EFCAB13: variants seen among roughly 807,000 people sequenced by gnomAD.
The protein encoded by EFCAB13 is EF-hand calcium binding domain 13, also known as EF-hand calcium-binding domain-containing protein 13.
EFCAB13 carries 91 observed loss-of-function variants against 110.2 expected under a neutral mutation model. That is an observed-to-expected ratio of 0.83 (90% CI 0.70 to 0.98). The LOEUF (loss-of-function observed/expected upper bound fraction) is 0.98. Ranked by LOEUF, EFCAB13 falls within the 50% of genes least tolerant of loss-of-function variation. The pLI is 0.00. For synonymous variants in EFCAB13, 323 were observed against 369.9 expected (o/e 0.87, Z 1.45); for missense variants, 968 against 1,119.4 (o/e 0.86, Z 1.93).
At chr17:47,436,235 T>G (rs1905211574) in intron 24 of EFCAB13, among the ~76,000 whole-genome samples, 1 of 152,136 alleles carries the variant, frequency 6.6e-6, no homozygotes, top group Non-Finnish European at 1.5e-5. Flanking sequence ...CGTAGTTTTC[T>G]TTTTTGGTTA....
chr17:47,342,856 A>C (rs1023185656), intron 6 of EFCAB13, among the ~76,000 whole-genome samples: 6 of 151,896 alleles, frequency 4.0e-5, no homozygotes, highest in Non-Finnish European at 8.8e-5. Context: ...CTCCCCATCT[A>C]CTTTCTAGTT....
At chr17:47,333,583 T>G (rs2143228738) in intron 4 of EFCAB13, among the ~76,000 whole-genome samples, 1 of 152,338 alleles carries the variant, frequency 6.6e-6, no homozygotes. Context: ...GTTTAAATCT[T>G]TAATGCATTT....
intron 23 of EFCAB13, among the ~76,000 whole-genome samples, chr17:47,417,353 C>T (rs920752570): frequency 3.9e-5 from 6 of 152,260 alleles, no homozygotes; most frequent in Non-Finnish European, 7.4e-5. Flanking sequence ...TCTTGTCTGA[C>T]GTTATTGGCT....
chr17:47,371,020 G>A (rs546571975), intron 11 of EFCAB13, among the ~76,000 whole-genome samples: 6 of 148,242 alleles, frequency 4.0e-5, no homozygotes, highest in Non-Finnish European at 5.9e-5. Context: ...GATTACAAGC[G>A]TGAGCCACCG....
In EFCAB13 at chr17:47,429,951, A is replaced by G; in HGVS notation, c.2628A>G (p.Val876=). Residue 876 remains valine, a synonymous_variant, in exon 24 of 25, where the codon GTA becomes GTG. Transcript: ENST00000331493. ...TACTTACTGTAATGTTAAGACATGT[A>G]CCTGAACATGGTTAGTAGTTTCAAT... is the stretch of plus-strand genomic sequence containing the variant. ...NAILTVMLRH[V]PEHESGKVSI... is the part of the protein sequence containing the mutation. 1 of 1,603,600 alleles carries G rather than the reference A, an allele frequency of 6.2e-7. No individual in the cohort carries two copies. Among genetic ancestry groups the G allele is most frequent in the South Asian group, 1.1e-5 (1 of 89,632 alleles).
chr17:47,357,923 A>T (rs368405314), intron 9 of EFCAB13, among the ~76,000 whole-genome samples: 1 of 151,870 alleles, frequency 6.6e-6, no homozygotes, highest in South Asian at 2.1e-4. Context: ...AGAATAGCTT[A>T]TTTACTTCCC....
At chr17:47,368,774 GA>G (rs1309367428) in intron 10 of EFCAB13, among the ~76,000 whole-genome samples, 1 of 152,144 alleles carries the variant, frequency 6.6e-6, no homozygotes, top group Non-Finnish European at 1.5e-5. Flanking sequence ...AGTTCACAAA[GA>G]AGTCTGTGGT....
chr17:47,354,252 T>A (rs1489259319), intron 9 of EFCAB13, among the ~76,000 whole-genome samples: 1 of 152,206 alleles, frequency 6.6e-6, no homozygotes, highest in Non-Finnish European at 1.5e-5. Context: ...GCTGTAATTT[T>A]AATTTTCTTA....
intron 23 of EFCAB13, among the ~76,000 whole-genome samples, chr17:47,427,967 G>A (rs1905018549): frequency 6.6e-6 from 1 of 151,912 alleles, no homozygotes; most frequent in Non-Finnish European, 1.5e-5. Context: ...TTGCAAATTG[G>A]TGGTGTGTGT....
At chr17:47,426,181 A>AT (rs1327849039) in intron 23 of EFCAB13, among the ~76,000 whole-genome samples, 1 of 152,214 alleles carries the variant, frequency 6.6e-6, no homozygotes, top group Non-Finnish European at 1.5e-5. Flanking sequence ...GATGGACTCT[A>AT]TTACGTGAAG....
At chr17:47,345,234 G>T in intron 8 of EFCAB13, 136 bp downstream of exon 8, 1 of 577,736 alleles carries the variant, frequency 1.7e-6, no homozygotes, top group Non-Finnish European at 3.0e-6. Flanking sequence ...TATGGCAAAT[G>T]CTGCGGGCTG....
At chr17:47,396,183 T>G (rs897994770) in intron 17 of EFCAB13, among the ~76,000 whole-genome samples, 1 of 152,180 alleles carries the variant, frequency 6.6e-6, no homozygotes, top group Non-Finnish European at 1.5e-5. Flanking sequence ...TAATTTATTA[T>G]TGCTCTAAAT....
At chr17:47,428,942 T>A (rs1905048847) in intron 23 of EFCAB13, among the ~76,000 whole-genome samples, 1 of 152,136 alleles carries the variant, frequency 6.6e-6, no homozygotes, top group Admixed American at 6.5e-5. Context: ...TACATTCAGA[T>A]ATTTCAGATA....
At chr17:47,410,953 T>G (rs2065831229) in intron 21 of EFCAB13, among the ~76,000 whole-genome samples, 1 of 152,226 alleles carries the variant, frequency 6.6e-6, no homozygotes, top group Non-Finnish European at 1.5e-5. Context: ...TATCCGTTTC[T>G]GTTTTCGATT....
intron 14 of EFCAB13, among the ~76,000 whole-genome samples, chr17:47,387,408 A>AG (rs1178083676): frequency 6.6e-6 from 1 of 152,134 alleles, no homozygotes; most frequent in Non-Finnish European, 1.5e-5. Flanking sequence ...TGGTGTGTTG[A>AG]AGTCCTCTAC....
intron 8 of EFCAB13, 56 bp downstream of exon 8, chr17:47,345,154 G>T: frequency 7.5e-7 from 1 of 1,325,920 alleles, no homozygotes; most frequent in South Asian, 1.3e-5. Context: ...TGCTTTTTAG[G>T]AATTGTTTCA....
At chr17:47,325,365 A>G (rs1375362736) in intron 2 of EFCAB13, among the ~76,000 whole-genome samples, 1 of 152,052 alleles carries the variant, frequency 6.6e-6, no homozygotes, top group East Asian at 1.9e-4. Context: ...CTTGGCATTC[A>G]GGAACCCAGA....
At position 47,395,937 on chromosome 17, in the gene EFCAB13, G is replaced by A. The variant is rs1487994400; in HGVS notation, c.1905G>A (p.Lys635=). Residue 635 remains lysine, a synonymous_variant, in exon 17 of 25, where the codon AAG becomes AAA. Transcript: ENST00000331493. Reference sequence around the variant, plus strand: ...CTAGTTTGAATAGTAATTTAAAAAAGGATGAATTTCTAGCTGCATTGGAAC... The same window carrying A: ...CTAGTTTGAATAGTAATTTAAAAAAAGATGAATTTCTAGCTGCATTGGAAC... ...TLSSLNSNLK[K]DEFLAALELV... 1 of 1,608,764 alleles carries A rather than the reference G, an allele frequency of 6.2e-7. No homozygotes were observed. Among genetic ancestry groups the A allele is most frequent in the Admixed American group, 1.7e-5 (1 of 59,870 alleles).
intron 20 of EFCAB13, among the ~76,000 whole-genome samples, chr17:47,406,412 C>G (rs1421181778): frequency 6.6e-6 from 1 of 152,094 alleles, no homozygotes; most frequent in African/African-American, 2.4e-5. Flanking sequence ...GGCCAAATTT[C>G]AAAGCAATTT....
Sources: gnomAD v4.1 joint callset for allele counts (sites outside exome capture counted in the v4.1 genomes callset) on GRCh38, gnomAD v4.1.1 for gene constraint, MANE v1.5 for transcripts, NCBI Gene and HGNC (gene_info 2026-07-23, HGNC 2026-07-21) for gene names.